The following PPARGC1A variants were observed in gnomAD, a reference collection of about 807,000 sequenced individuals.
PPARGC1A encodes the protein peroxisome proliferator-activated receptor gamma coactivator 1-alpha.
PPARGC1A carries 25 observed loss-of-function variants against 88.7 expected under a neutral mutation model. The ratio of observed to expected loss-of-function variants is 0.28; its 90% CI spans 0.21 to 0.39. The LOEUF (loss-of-function observed/expected upper bound fraction) is 0.39, where lower values mean the gene tolerates loss of function less well. PPARGC1A is among the 10% of genes least tolerant of loss of function. The pLI is 1.00. For missense variants in PPARGC1A, 880 were observed against 968.7 expected (o/e 0.91, Z 1.22); for synonymous variants, 363 against 355.6 (o/e 1.02, Z -0.24).
At chr4:24,060,056 C>T in the PPARGC1A span, among the ~76,000 whole-genome samples, 2 of 152,188 alleles carry the variant, frequency 1.3e-5, no homozygotes, top group African/African-American at 4.8e-5. Context: ...TGCTTCTTTC[C>T]TCTAGAAAGG....
At chr4:24,155,928 G>A in the PPARGC1A span, among the ~76,000 whole-genome samples, 1 of 152,242 alleles carries the variant, frequency 6.6e-6, no homozygotes, top group Admixed American at 6.5e-5. Context: ...TTGGGGGTGG[G>A]TCCATGCAAA....
At chr4:23,933,066 G>A in the PPARGC1A span, among the ~76,000 whole-genome samples, 1 of 152,152 alleles carries the variant, frequency 6.6e-6, no homozygotes, top group African/African-American at 2.4e-5. Context: ...GAAGGAATTC[G>A]GGCCAGCCAA....
At chr4:24,097,655 A>G in the PPARGC1A span, among the ~76,000 whole-genome samples, 1 of 152,214 alleles carries the variant, frequency 6.6e-6, no homozygotes, top group African/African-American at 2.4e-5. Flanking sequence ...CTCTATAATA[A>G]AACAAATAGA....
chr4:24,320,096 A>G, the PPARGC1A span, among the ~76,000 whole-genome samples: 1 of 152,210 alleles, frequency 6.6e-6, no homozygotes. Flanking sequence ...AAAGAATACT[A>G]GAGAGATTTC....
the PPARGC1A span, among the ~76,000 whole-genome samples, chr4:24,470,694 C>CG: frequency 6.6e-6 from 1 of 151,328 alleles, no homozygotes; most frequent in Non-Finnish European, 1.5e-5. The surrounding 1 kb of genome is among the most constrained non-coding windows in gnomAD (Gnocchi z 5.8). Context: ...GCGTACTTCC[C>CG]GGGGGCAGCC....
chr4:24,349,269 G>A, the PPARGC1A span, among the ~76,000 whole-genome samples: 1 of 152,162 alleles, frequency 6.6e-6, no homozygotes, highest in Admixed American at 6.5e-5. Context: ...TTTTGTGCTG[G>A]TTGGCCTCCT....
At chr4:24,386,045 T>A in the PPARGC1A span, among the ~76,000 whole-genome samples, 1 of 152,154 alleles carries the variant, frequency 6.6e-6, no homozygotes. Flanking sequence ...TTATCAACCA[T>A]GATCAAGTCA....
the PPARGC1A span, among the ~76,000 whole-genome samples, chr4:24,035,365 C>A: frequency 1.3e-5 from 2 of 151,810 alleles, no homozygotes; most frequent in Non-Finnish European, 2.9e-5. Context: ...CATGGTTAAA[C>A]CCCGTCTCTA....
the PPARGC1A span, among the ~76,000 whole-genome samples, chr4:24,099,714 A>G: frequency 6.2e-4 from 95 of 152,260 alleles, no homozygotes; most frequent in African/African-American, 2.0e-3. Flanking sequence ...CTGTTGTAAA[A>G]TGTAAGTTGG....
chr4:24,434,513 G>T, the PPARGC1A span, among the ~76,000 whole-genome samples: 1 of 152,170 alleles, frequency 6.6e-6, no homozygotes. Flanking sequence ...GTTTCCAGGC[G>T]ATATCAGCTG....
In PPARGC1A at chr4:23,852,629, G is replaced by GT. The variant is rs936235315; in HGVS notation, c.235-20879dup. On this transcript the variant is annotated intron_variant, in intron 2 of 12. Coordinates refer to ENST00000264867, the MANE Select transcript of PPARGC1A (RefSeq NM_013261.5). The stretch of plus-strand genomic sequence containing the variant: ...TCTTCACTATAAAATAGTTTTCTCC[G>GT]TTTTTTTTTCTTCATAGAAATCCTA... 1.1e-3 allele frequency among the ~76,000 whole-genome samples: 160 copies of GT among 150,480 alleles called. 4 individuals carry two copies. In the South Asian group the frequency reaches 0.025, roughly 24 times the overall value.
At chr4:24,269,719 C>A in the PPARGC1A span, among the ~76,000 whole-genome samples, 10 of 152,070 alleles carry the variant, frequency 6.6e-5, no homozygotes, top group African/African-American at 2.4e-4. Context: ...TAATAAGGGG[C>A]AGCTTTGGTC....
chr4:23,829,608 G>A (rs1219952138), intron 3 of PPARGC1A, 23 bp from the exon 4 acceptor site: 2 of 1,601,644 alleles, frequency 1.2e-6, no homozygotes, highest in Non-Finnish European at 1.7e-6. Flanking sequence ...TCAGGGAAAG[G>A]GAAAAGCAAG....
the PPARGC1A span, among the ~76,000 whole-genome samples, chr4:24,023,133 TTGTTA>T: frequency 6.6e-6 from 1 of 150,810 alleles, no homozygotes; most frequent in Non-Finnish European, 1.5e-5. Context: ...TTTTGTATGG[TTGTTA>T]TATTAGATAT....
At chr4:24,225,955 A>G in the PPARGC1A span, among the ~76,000 whole-genome samples, 1 of 151,954 alleles carries the variant, frequency 6.6e-6, no homozygotes, top group African/African-American at 2.4e-5. Context: ...AGATAAAACA[A>G]TAATACTAAT....
At chr4:24,102,276 C>A in the PPARGC1A span, among the ~76,000 whole-genome samples, 1 of 152,152 alleles carries the variant, frequency 6.6e-6, no homozygotes, top group Non-Finnish European at 1.5e-5. Flanking sequence ...TCATGGTACC[C>A]TAAACTATAG....
chr4:23,955,769 T>A, the PPARGC1A span, among the ~76,000 whole-genome samples: 2 of 152,158 alleles, frequency 1.3e-5, no homozygotes. Flanking sequence ...GTTGAATTTG[T>A]ATCTTCATTT....
the PPARGC1A span, among the ~76,000 whole-genome samples, chr4:24,194,610 A>C: frequency 1.4e-5 from 1 of 73,630 alleles, no homozygotes; most frequent in African/African-American, 4.1e-5. Flanking sequence ...GGGCTGGCAC[A>C]CACGCGCGCG....
chr4:24,050,812 G>A, the PPARGC1A span, among the ~76,000 whole-genome samples: 1 of 152,114 alleles, frequency 6.6e-6, no homozygotes, highest in African/African-American at 2.4e-5. Context: ...TTGACAACTA[G>A]TTTATTTCAA....
Sources: allele counts gnomAD v4.1 joint callset (sites outside exome capture counted in the v4.1 genomes callset), GRCh38; gene constraint gnomAD v4.1.1; non-coding constraint Gnocchi (gnomAD v3.1); transcripts MANE v1.5; gene names NCBI Gene and HGNC (gene_info 2026-07-23, HGNC 2026-07-21).